CBFA2T2: variants seen among roughly 807,000 people sequenced by gnomAD.
CBFA2T2 encodes the protein CBFA2/RUNX1 partner transcriptional co-repressor 2.
A neutral mutation model predicts 62.2 loss-of-function variants in CBFA2T2; 11 were observed. The observed-to-expected ratio is 0.18, with a 90% CI of 0.11 to 0.29. The LOEUF is 0.29. CBFA2T2 is among the 10% of genes least tolerant of loss of function. The pLI is 1.00. For missense variants in CBFA2T2, 592 were observed against 774.1 expected (o/e 0.76, Z 2.79); for synonymous variants, 295 against 287.5 (o/e 1.03, Z -0.27).
chr20:33,628,319 A>G (rs770873035), intron 6 of CBFA2T2, 31 bp from the exon 7 acceptor site: 6 of 1,482,110 alleles, frequency 4.0e-6, no homozygotes, highest in Non-Finnish European at 2.8e-6. Flanking sequence ...TTTTCCTGCT[A>G]TCTTTGAATT....
At chr20:33,532,449 C>A (rs1245865318) in intron 1 of CBFA2T2, among the ~76,000 whole-genome samples, 1 of 152,156 alleles carries the variant, frequency 6.6e-6, no homozygotes, top group South Asian at 2.1e-4. Flanking sequence ...TTTCACCAGG[C>A]TATTTAGAGT....
intron 1 of CBFA2T2, among the ~76,000 whole-genome samples, chr20:33,491,052 C>T (rs1200115831): frequency 1.3e-5 from 2 of 152,148 alleles, no homozygotes; most frequent in Non-Finnish European, 2.9e-5. Context: ...AATTGTTATT[C>T]TTACTTCCAT....
intron 1 of CBFA2T2, among the ~76,000 whole-genome samples, chr20:33,567,859 C>T (rs2013403407): frequency 6.6e-6 from 1 of 152,192 alleles, no homozygotes; most frequent in Non-Finnish European, 1.5e-5. Flanking sequence ...GCTGGGATTA[C>T]AGGCATGAGC....
intron 1 of CBFA2T2, among the ~76,000 whole-genome samples, chr20:33,566,100 AT>A (rs1345986185): frequency 6.6e-6 from 1 of 152,200 alleles, no homozygotes; most frequent in Non-Finnish European, 1.5e-5. Flanking sequence ...TATAGATAAA[AT>A]AGGAAAGTTG....
intron 6 of CBFA2T2, among the ~76,000 whole-genome samples, chr20:33,625,463 G>A (rs571263755): frequency 6.6e-6 from 1 of 152,212 alleles, no homozygotes; most frequent in Non-Finnish European, 1.5e-5. Flanking sequence ...TTCAGCCTGG[G>A]TGACAGAGTG....
rs551228224 is a variant in CBFA2T2 at position 33,505,142 on chromosome 20, G to A, written c.34+14841G>A. On this transcript the variant is annotated intron_variant, in intron 1 of 10. Coordinates refer to ENST00000342704, the MANE Select transcript of CBFA2T2 (RefSeq NM_001032999.3). ...TCAGGTGATTTACTCACTGTCACAC[G>A]GCTAGAATGTGAGAGTGTGGCTTTT... Among the ~76,000 whole-genome samples the A allele has an allele frequency of 2.1e-3, 324 of 152,244 alleles. 4 individuals carry two copies. The highest frequency in any genetic ancestry group is 3.1e-3 in the Non-Finnish European group (213 of 68,024).
intron 3 of CBFA2T2, 102 bp downstream of exon 3, chr20:33,611,437 CAT>C: frequency 7.3e-7 from 1 of 1,372,080 alleles, no homozygotes; most frequent in Non-Finnish European, 1.0e-6. Context: ...AACCCATGGT[CAT>C]ATGGCAAATG....
intron 3 of CBFA2T2, among the ~76,000 whole-genome samples, chr20:33,612,122 C>T (rs548119506): frequency 9.8e-5 from 15 of 152,324 alleles, no homozygotes; most frequent in African/African-American, 3.6e-4. Flanking sequence ...CATTGTTCAG[C>T]TCCTCGTGCA....
At chr20:33,606,080 A>G (rs1167731603) in intron 1 of CBFA2T2, among the ~76,000 whole-genome samples, 1 of 152,062 alleles carries the variant, frequency 6.6e-6, no homozygotes, top group African/African-American at 2.4e-5. Context: ...CAGCCTCCCA[A>G]AGTGCTAGGT....
intron 1 of CBFA2T2, among the ~76,000 whole-genome samples, chr20:33,546,673 A>G (rs1254581884): frequency 6.7e-6 from 1 of 149,056 alleles, no homozygotes; most frequent in Non-Finnish European, 1.5e-5. Flanking sequence ...TATTTTTTGT[A>G]TTTTTTTATA....
intron 3 of CBFA2T2, among the ~76,000 whole-genome samples, chr20:33,614,524 A>G (rs1020751697): frequency 6.6e-6 from 1 of 152,186 alleles, no homozygotes; most frequent in Non-Finnish European, 1.5e-5. Context: ...AACTCTTTTC[A>G]TCTTGCAAAA....
intron 6 of CBFA2T2, among the ~76,000 whole-genome samples, chr20:33,626,937 G>A (rs1473279350): frequency 6.6e-6 from 1 of 152,194 alleles, no homozygotes; most frequent in Admixed American, 6.5e-5. Context: ...CCTTTTTACA[G>A]ATGAAGGAGC....
At chr20:33,614,360 A>C (rs2015630113) in intron 3 of CBFA2T2, among the ~76,000 whole-genome samples, 1 of 152,204 alleles carries the variant, frequency 6.6e-6, no homozygotes, top group African/African-American at 2.4e-5. Flanking sequence ...TTGTGTATTT[A>C]GAGCCTATGA....
chr20:33,529,010 AGTTTGTTTGTTTTTTTT>A (rs999640066), intron 1 of CBFA2T2, among the ~76,000 whole-genome samples: 118 of 151,922 alleles, frequency 7.8e-4, no homozygotes, highest in African/African-American at 2.7e-3. Flanking sequence ...CGCGTGGACC[AGTTTGTTTGTTTTTTTT>A]GTTTGTTTGT....
At chr20:33,555,826 G>C (rs1479157548) in intron 1 of CBFA2T2, among the ~76,000 whole-genome samples, 5 of 152,016 alleles carry the variant, frequency 3.3e-5, no homozygotes, top group African/African-American at 7.2e-5. Flanking sequence ...AATTTAACTG[G>C]CATGTCTCTT....
chr20:33,494,269 ATATATTTTTT>A (rs2011175153), intron 1 of CBFA2T2, among the ~76,000 whole-genome samples: 1 of 30,756 alleles, frequency 3.3e-5, no homozygotes, highest in Non-Finnish European at 5.8e-5. Context: ...ATATATATAT[ATATATTTTTT>A]TTTTTTTTTT....
chr20:33,526,483 T>A (rs925402669), intron 1 of CBFA2T2, among the ~76,000 whole-genome samples: 4 of 152,202 alleles, frequency 2.6e-5, no homozygotes, highest in Non-Finnish European at 5.9e-5. Flanking sequence ...CATTCATCAG[T>A]TGATGGATTT....
At chr20:33,582,475 C>T (rs1014752731) in intron 1 of CBFA2T2, among the ~76,000 whole-genome samples, 8 of 149,540 alleles carry the variant, frequency 5.3e-5, no homozygotes, top group African/African-American at 1.5e-4. Context: ...GCAACAAGAG[C>T]GAAACTCTAT....
intron 1 of CBFA2T2, among the ~76,000 whole-genome samples, chr20:33,605,619 T>C (rs1177652022): frequency 1.3e-5 from 2 of 152,180 alleles, no homozygotes; most frequent in African/African-American, 2.4e-5. Flanking sequence ...TTTAGTATTA[T>C]CAAACAACTG....
Sources: allele counts gnomAD v4.1 joint callset (sites outside exome capture counted in the v4.1 genomes callset), GRCh38; gene constraint gnomAD v4.1.1; transcripts MANE v1.5; gene names NCBI Gene and HGNC (gene_info 2026-07-23, HGNC 2026-07-21).